The following TEAD4 variants were observed in gnomAD, a reference collection of about 807,000 sequenced individuals.
TEAD4 encodes the protein transcriptional enhancer factor TEF-3.
In TEAD4, 36 loss-of-function variants were observed where a neutral mutation model predicts 52.4. The ratio of observed to expected loss-of-function variants is 0.69; its 90% CI spans 0.53 to 0.91. The LOEUF (loss-of-function observed/expected upper bound fraction) is 0.91. TEAD4 is among the 40% of genes least tolerant of loss of function. The pLI is 0.00. For synonymous variants in TEAD4, 220 were observed against 231.0 expected (o/e 0.95, Z 0.43); for missense variants, 508 against 583.9 (o/e 0.87, Z 1.34).
chr12:3,038,255 T>C, intron 11 of TEAD4, 147 bp downstream of exon 11: 1 of 1,067,646 alleles, frequency 9.4e-7, no homozygotes, highest in Non-Finnish European at 1.3e-6. Flanking sequence ...CAGTGCTGTG[T>C]GCCTCCCACA....
intron 10 of TEAD4, among the ~76,000 whole-genome samples, chr12:3,034,507 T>C (rs2098278078): frequency 6.6e-6 from 1 of 152,102 alleles, no homozygotes; most frequent in Admixed American, 6.5e-5. Flanking sequence ...GATCTGCCAA[T>C]TGCTCCTGGG....
intron 3 of TEAD4, among the ~76,000 whole-genome samples, 177 bp downstream of exon 3, chr12:2,995,169 G>A (rs1160701752): frequency 6.6e-6 from 1 of 152,060 alleles, no homozygotes; most frequent in Non-Finnish European, 1.5e-5. Context: ...GGAGAAGCCT[G>A]TGAGGGGGTG....
chr12:2,994,717 C>A lies in TEAD4; in HGVS notation c.-29-21C>A. ...GCAGTTCTTCCACTGCTCACCGGGGCTGTGGTTCCTGTCCCCACAGGTCCA... is the reference window on the plus strand; with the variant it reads ...GCAGTTCTTCCACTGCTCACCGGGGATGTGGTTCCTGTCCCCACAGGTCCA... On this transcript the variant is annotated intron_variant, in intron 2 of 12. Transcript: ENST00000359864. This position sits in a 1 kb window ranked among gnomAD's most constrained non-coding sequence, Gnocchi z 4.7. 2 of 1,544,304 alleles carry A rather than the reference C, an allele frequency of 1.3e-6. No homozygotes were observed. The highest frequency in any genetic ancestry group is 1.7e-6 in the Non-Finnish European group (2 of 1,146,568).
intron 3 of TEAD4, among the ~76,000 whole-genome samples, chr12:3,002,768 A>C (rs928081276): frequency 1.3e-5 from 2 of 152,134 alleles, no homozygotes; most frequent in African/African-American, 2.4e-5. Flanking sequence ...TGACTAGGAC[A>C]GACACCGAGG....
chr12:3,012,256 C>T, intron 5 of TEAD4, 24 bp downstream of exon 5: 15 of 1,612,786 alleles, frequency 9.3e-6, no homozygotes, highest in African/African-American at 1.3e-5. Context: ...AGTGGGGGTG[C>T]TGGAGTGGCC....
chr12:3,029,911 C>CT (rs1244346551), intron 10 of TEAD4, among the ~76,000 whole-genome samples: 1 of 151,890 alleles, frequency 6.6e-6, no homozygotes, highest in Admixed American at 6.6e-5. Context: ...GTTTACTGGA[C>CT]TTTTTTTTCC....
chr12:3,034,372 A>G (rs2098277978), intron 10 of TEAD4, among the ~76,000 whole-genome samples: 1 of 152,132 alleles, frequency 6.6e-6, no homozygotes. Context: ...GCCGCCTGCA[A>G]CCTTGATTGA....
chr12:3,011,570 T>C (rs1041499605), intron 4 of TEAD4, among the ~76,000 whole-genome samples: 5 of 151,926 alleles, frequency 3.3e-5, no homozygotes, highest in African/African-American at 9.7e-5. Context: ...CTGCCATCAC[T>C]TAGGAGGAAA....
intron 3 of TEAD4, among the ~76,000 whole-genome samples, chr12:3,006,419 C>T (rs1160187264): frequency 2.0e-5 from 3 of 152,174 alleles, no homozygotes; most frequent in Non-Finnish European, 2.9e-5. Flanking sequence ...AAAAGCCAGG[C>T]GTGGTGGTTC....
chr12:3,022,406 C>T (rs1026702572), intron 10 of TEAD4, among the ~76,000 whole-genome samples: 1 of 152,200 alleles, frequency 6.6e-6, no homozygotes, highest in African/African-American at 2.4e-5. Context: ...GCATGGGTTT[C>T]CGGGCCTGGA....
chr12:3,024,086 CTT>C (rs926687708), intron 10 of TEAD4, among the ~76,000 whole-genome samples: 1 of 146,856 alleles, frequency 6.8e-6, no homozygotes, highest in Non-Finnish European at 1.5e-5. Context: ...AAAATGTTCA[CTT>C]TTTTTTTTTG....
At chr12:3,027,087 A>G (rs4766026) in intron 10 of TEAD4, among the ~76,000 whole-genome samples, 141,856 of 152,072 alleles carry the variant, frequency 0.93, 66,960 homozygotes, top group East Asian at 1. Flanking sequence ...CCGCCTCCCT[A>G]TTCAAGCAAT....
intron 10 of TEAD4, among the ~76,000 whole-genome samples, chr12:3,036,530 C>T (rs972788008): frequency 1.3e-5 from 2 of 152,172 alleles, no homozygotes; most frequent in African/African-American, 4.8e-5. Flanking sequence ...ATCCCCTTAT[C>T]TTTGCACAGA....
intron 3 of TEAD4, among the ~76,000 whole-genome samples, chr12:2,996,565 C>T (rs1346390961): frequency 6.6e-6 from 1 of 152,076 alleles, no homozygotes; most frequent in Non-Finnish European, 1.5e-5. Flanking sequence ...CACGTGCCAC[C>T]ACTCCTGGCT....
At chr12:2,978,146 A>G (rs1315806735) in intron 2 of TEAD4, among the ~76,000 whole-genome samples, 1 of 151,474 alleles carries the variant, frequency 6.6e-6, no homozygotes, top group Non-Finnish European at 1.5e-5. Context: ...TCCCCTGCAG[A>G]CCCTCTTTTC....
In TEAD4 at chr12:3,010,164, C is replaced by T. The variant is rs961318184; in HGVS notation, c.227-840C>T. On this transcript the variant is annotated intron_variant, in intron 3 of 12. Transcript: ENST00000359864. ...CAAGGGCTTGCCTGACCACCCAGCC[C>T]GAACTGGCCCCCGGTCCTCTGAACA... Among the ~76,000 whole-genome samples the T allele has an allele frequency of 2.6e-5, 4 of 152,254 alleles. No individual in the cohort carries two copies. The East Asian group carries it at 5.8e-4, about 22-fold the overall frequency.
At chr12:2,973,391 A>T (rs2098226868) in intron 2 of TEAD4, among the ~76,000 whole-genome samples, 1 of 152,138 alleles carries the variant, frequency 6.6e-6, no homozygotes, top group Non-Finnish European at 1.5e-5. Context: ...CATATTCTGG[A>T]TACAGGTTCT....
intron 9 of TEAD4, among the ~76,000 whole-genome samples, chr12:3,021,550 A>T (rs2098268712): frequency 1.3e-5 from 2 of 152,090 alleles, no homozygotes; most frequent in South Asian, 4.1e-4. Flanking sequence ...ACCTCAAGTG[A>T]TCCACCCACT....
chr12:2,982,111 G>A (rs774228437), intron 2 of TEAD4, among the ~76,000 whole-genome samples: 18 of 152,168 alleles, frequency 1.2e-4, no homozygotes, highest in Non-Finnish European at 1.9e-4. Context: ...CTCGGGGCAG[G>A]TCCTTTGCCC....
Sources: gnomAD v4.1 joint callset for allele counts (sites outside exome capture counted in the v4.1 genomes callset) on GRCh38, gnomAD v4.1.1 for gene constraint, Gnocchi (gnomAD v3.1) non-coding constraint, MANE v1.5 for transcripts, NCBI Gene and HGNC (gene_info 2026-07-23, HGNC 2026-07-21) for gene names.